The following RNF149 variants were observed in gnomAD, a reference collection of about 807,000 sequenced individuals.
RNF149 encodes E3 ubiquitin-protein ligase RNF149.
In RNF149, 21 loss-of-function variants were observed where a neutral mutation model predicts 39.0. The ratio of observed to expected loss-of-function variants is 0.54; its 90% CI spans 0.38 to 0.77. The LOEUF is 0.77. Ranked by LOEUF, RNF149 falls within the 30% of genes least tolerant of loss-of-function variation. The pLI, the probability that RNF149 is intolerant of heterozygous loss-of-function variation, is 0.00. For synonymous variants in RNF149, 209 were observed against 213.6 expected (o/e 0.98, Z 0.19); for missense variants, 493 against 534.9 (o/e 0.92, Z 0.77).
chr2:101,287,824 T>C (rs574464008), intron 4 of RNF149, among the ~76,000 whole-genome samples: 1 of 152,362 alleles, frequency 6.6e-6, no homozygotes, highest in South Asian at 2.1e-4. Context: ...TACTTGGATA[T>C]ATACTAACGT....
chr2:101,305,849 C>T (rs1010666150), intron 1 of RNF149, among the ~76,000 whole-genome samples: 3 of 152,168 alleles, frequency 2.0e-5, no homozygotes, highest in Admixed American at 1.3e-4. Flanking sequence ...GTATGTACTC[C>T]GTGATCAAAT....
chr2:101,288,206 T>C (rs1473360653), intron 4 of RNF149, among the ~76,000 whole-genome samples: 1 of 140,500 alleles, frequency 7.1e-6, no homozygotes, highest in Non-Finnish European at 1.5e-5. Context: ...ACCCTTAGTA[T>C]AACCAGAATA....
intron 4 of RNF149, among the ~76,000 whole-genome samples, chr2:101,286,672 AC>A (rs1390112303): frequency 6.6e-6 from 1 of 152,088 alleles, no homozygotes; most frequent in Non-Finnish European, 1.5e-5. Context: ...AACACCTATC[AC>A]TTTCAGAATA....
intron 1 of RNF149, among the ~76,000 whole-genome samples, chr2:101,297,398 CCAGGATGGAGTA>C (rs1257835102): frequency 1.3e-5 from 2 of 151,980 alleles, no homozygotes; most frequent in African/African-American, 4.8e-5. Flanking sequence ...GCTCTGTCAC[CCAGGATGGAGTA>C]CAGTGGTGGG....
downstream of RNF149, among the ~76,000 whole-genome samples, chr2:101,273,756 AACC>A (rs1420816210): frequency 1.3e-5 from 2 of 152,102 alleles, no homozygotes; most frequent in Admixed American, 6.6e-5. Flanking sequence ...TAAAAGCGTC[AACC>A]ACCACACCTG....
chr2:101,286,126 T>C lies in RNF149; in HGVS notation c.915A>G (p.Thr305=), dbSNP rs199638534. 1.0e-4 allele frequency: 162 copies of C among 1,612,790 alleles called. 1 individual carries two copies. In the Admixed American group the frequency reaches 2.7e-3, roughly 27 times the overall value. ...TGACATCAAGTTTACACATTGGACA[T>C]GTTCGGTGATCCAAAAGCCATGGGT... The part of the protein sequence containing the change: ...CIDPWLLDHR[T]CPMCKLDVIK... Residue 305 remains threonine (T), a synonymous_variant, in exon 5 of 7, where the codon ACA becomes ACG. Transcript: ENST00000295317.
In RNF149 at chr2:101,276,346, G is replaced by T. The variant is rs1370856952; in HGVS notation, c.*892C>A. 1.0e-6 allele frequency: 1 copy of T among 985,632 alleles called. No individual in the cohort carries two copies. Among genetic ancestry groups the T allele is most frequent in the East Asian group, 1.1e-4 (1 of 8,820 alleles). 61.1% of individuals were successfully genotyped at this position (985,632 alleles called of 1,614,324 possible). A position where few individuals can be genotyped will look rare whatever the true frequency, so the allele number is the denominator to read the frequency against. On this transcript the variant is annotated 3_prime_UTR_variant, in exon 7 of 7. Transcript: ENST00000295317. Reference sequence around the variant, plus strand: ...AAAAAAGAAGAAACGGTTAAGCAAGGTCATGGTATTAAATCTGCTTAAACT... The same window carrying T: ...AAAAAAGAAGAAACGGTTAAGCAAGTTCATGGTATTAAATCTGCTTAAACT...
At position 101,287,692 on chromosome 2, in the gene RNF149, T is replaced by C. The variant is rs1011293219; in HGVS notation, c.863+1281A>G. On this transcript the variant is annotated intron_variant, in intron 4 of 6. Transcript: ENST00000295317. Reference sequence around the variant, plus strand: ...AACCCAATTCATTCAGTACCCATCATACCAATCACATGTAAATGTTTGTAG... The same window carrying C: ...AACCCAATTCATTCAGTACCCATCACACCAATCACATGTAAATGTTTGTAG... Among the ~76,000 whole-genome samples, 9 of 152,260 alleles carry C rather than the reference T, an allele frequency of 5.9e-5. No homozygotes were observed. The South Asian group carries it at 8.3e-4, about 14-fold the overall frequency.
In RNF149 at chr2:101,291,450, ATT is replaced by A. The variant is rs879864110; in HGVS notation, c.781-2397_781-2396del. On this transcript the variant is annotated intron_variant, in intron 3 of 6. Transcript: ENST00000295317. The stretch of plus-strand genomic sequence containing the variant: ...AGGCATGACCCACCACGCCCAGCCT[ATT>A]TTTTTTTTTTTTAAGAGACAGGGTT... 6.8e-3 allele frequency among the ~76,000 whole-genome samples: 941 copies of A among 138,012 alleles called. 5 individuals are homozygous for A. The highest frequency in any genetic ancestry group is 0.024 in the African/African-American group (893 of 37,972). The allele number at this position is 138,012 out of a possible 152,430, so 90.5% of individuals were successfully genotyped here. A position where few individuals can be genotyped will look rare whatever the true frequency, so the allele number is the denominator to read the frequency against.
intron 3 of RNF149, among the ~76,000 whole-genome samples, chr2:101,291,770 A>G (rs1463782667): frequency 6.6e-6 from 1 of 152,222 alleles, no homozygotes; most frequent in African/African-American, 2.4e-5. Context: ...ATGAATCTAC[A>G]AGAAAATAAA....
intron 1 of RNF149, among the ~76,000 whole-genome samples, chr2:101,302,068 C>A (rs891097317): frequency 1.3e-5 from 2 of 152,238 alleles, no homozygotes; most frequent in Admixed American, 6.5e-5. Flanking sequence ...CTGGTCAAAT[C>A]TTTAAGGTTC....
chr2:101,307,747 G>A (rs919156385), intron 1 of RNF149: 1 of 880,558 alleles, frequency 1.1e-6, no homozygotes, highest in Non-Finnish European at 1.4e-6. Flanking sequence ...GGGGCGCGCT[G>A]GGGGAAGAGT....
chr2:101,292,492 C>G (rs972568853), intron 3 of RNF149, among the ~76,000 whole-genome samples: 1 of 152,164 alleles, frequency 6.6e-6, no homozygotes, highest in Admixed American at 6.6e-5. Context: ...TCCGGCCGGG[C>G]GTGGTGGCTC....
At chr2:101,282,124 T>C in intron 5 of RNF149, 67 bp from the exon 6 acceptor site, 1 of 1,586,126 alleles carries the variant, frequency 6.3e-7, no homozygotes, top group Non-Finnish European at 8.6e-7. Flanking sequence ...TTATGTATCA[T>C]CTGGCTCGTA....
rs184207465 is a variant in RNF149 at position 101,298,947 on chromosome 2, T to C, written c.461-3766A>G. On this transcript the variant is annotated intron_variant, in intron 1 of 6. Coordinates refer to ENST00000295317, the MANE Select transcript of RNF149 (RefSeq NM_173647.4). ...TGTAGATCACTTGAGGTTAGGAATT[T>C]GAGACCAGCCTGGCCAACATGGTGA... 6.3e-3 allele frequency among the ~76,000 whole-genome samples: 954 copies of C among 152,270 alleles called. 4 individuals are homozygous for C. The highest frequency in any genetic ancestry group is 0.022 in the African/African-American group (911 of 41,552).
chr2:101,292,045 C>T (rs752056566), intron 3 of RNF149, among the ~76,000 whole-genome samples: 2 of 152,232 alleles, frequency 1.3e-5, no homozygotes, highest in African/African-American at 4.8e-5. Flanking sequence ...TTAGCCTACA[C>T]TTGGGCAGAA....
chr2:101,281,180 CTCAT>C (rs1207739034), intron 6 of RNF149, among the ~76,000 whole-genome samples: 2 of 152,112 alleles, frequency 1.3e-5, no homozygotes, highest in Non-Finnish European at 2.9e-5. Context: ...AATACAAACA[CTCAT>C]TAATTAGTTT....
chr2:101,275,534 C>T (rs557156163), downstream of RNF149, among the ~76,000 whole-genome samples: 7 of 135,124 alleles, frequency 5.2e-5, no homozygotes, highest in East Asian at 2.4e-4. Context: ...CTCTGCCTTC[C>T]GGGTTCACGC....
intron 1 of RNF149, among the ~76,000 whole-genome samples, chr2:101,304,546 A>G (rs1369966942): frequency 6.6e-6 from 1 of 152,174 alleles, no homozygotes; most frequent in African/African-American, 2.4e-5. Flanking sequence ...TACACCTCTC[A>G]TGGGCAGGCC....
Sources: allele counts gnomAD v4.1 joint callset (sites outside exome capture counted in the v4.1 genomes callset), GRCh38; gene constraint gnomAD v4.1.1; transcripts MANE v1.5; gene names NCBI Gene and HGNC (gene_info 2026-07-23, HGNC 2026-07-21).